TPTE2: variants seen among roughly 807,000 people sequenced by gnomAD.
TPTE2 encodes the protein phosphatidylinositol 3,4,5-trisphosphate 3-phosphatase TPTE2.
A neutral mutation model predicts 78.6 loss-of-function variants in TPTE2; 53 were observed. The ratio of observed to expected loss-of-function variants is 0.67; its 90% confidence interval spans 0.54 to 0.85. The LOEUF (loss-of-function observed/expected upper bound fraction) is 0.85. Among genes scored for constraint, TPTE2 ranks in the 40% least tolerant of loss-of-function variants. TPTE2 has a pLI of 0.00. For missense variants in TPTE2, 461 were observed against 623.0 expected, an observed-to-expected ratio of 0.74 and a Z score of 2.77; for synonymous variants, 175 against 206.2, an observed-to-expected ratio of 0.85 and a Z score of 1.30.
At chr13:19,540,228 C>G (rs1457866285), upstream of TPTE2, among the ~76,000 whole-genome samples, 1 of 151,760 alleles carries the variant, frequency 6.6e-6, no homozygotes, top group African/African-American at 2.4e-5. Flanking sequence ...GAATTAACAT[C>G]TTCATGATAT....
chr13:19,436,268 T>G lies in TPTE2; in HGVS notation c.1074A>C (p.Lys358Asn), dbSNP rs748375830. The G allele has an allele frequency of 8.7e-6, 14 of 1,613,328 alleles. No individual in the cohort carries two copies. Among genetic ancestry groups the G allele is most frequent in the Admixed American group, 8.3e-5 (5 of 59,966 alleles). ...CTCCCTGAAATTTATTGCTGTGGGT[T>G]TTATTGGTTCGCCTTTCTCCAAAAT... is the stretch of plus-strand genomic sequence containing the variant. The change falls in exon 15 of 20, where the codon AAA becomes AAC. Residue 358 changes from lysine (K) to asparagine (N), a missense_variant. Physicochemically the swap from Lys to Asn is moderately conservative, Grantham distance 94. Coordinates refer to ENST00000400230, the Ensembl canonical transcript of TPTE2.
upstream of TPTE2, among the ~76,000 whole-genome samples, chr13:19,504,140 T>C (rs1285221390): frequency 6.6e-6 from 1 of 152,134 alleles, no homozygotes; most frequent in Non-Finnish European, 1.5e-5. Flanking sequence ...TAAATATATA[T>C]ATGTATCGTC....
At chr13:19,531,926 C>CA (rs1566079665) in intron 1 of TPTE2, among the ~76,000 whole-genome samples, 1 of 151,220 alleles carries the variant, frequency 6.6e-6, no homozygotes, top group Admixed American at 6.6e-5. Flanking sequence ...GACTCTACCT[C>CA]AAAAAAAGAA....
At chr13:19,546,879 A>G in the TPTE2 span, among the ~76,000 whole-genome samples, 1 of 152,010 alleles carries the variant, frequency 6.6e-6, no homozygotes, top group Non-Finnish European at 1.5e-5. Flanking sequence ...ATGTCCCCAG[A>G]GCATAGAACA....
At chr13:19,523,976 G>A (rs1166708729) in intron 1 of TPTE2, among the ~76,000 whole-genome samples, 6 of 152,150 alleles carry the variant, frequency 3.9e-5, no homozygotes, top group Admixed American at 6.6e-5. Flanking sequence ...AATAGGAATC[G>A]GGGCAATGAA....
rs1444294162 is a variant in TPTE2 at position 19,535,966 on chromosome 13, G to C, written c.-44+630C>G. ...CCAGGATTTTTAATTTCTTGGCAGG[G>C]ATAATATGACATCAAAAACAAGCTT... On this transcript the variant is annotated intron_variant, in intron 1 of 17. Transcript: ENST00000390680. The surrounding 1 kb of genome is among the most constrained non-coding windows in gnomAD (Gnocchi z 5.1). 1.3e-5 allele frequency among the ~76,000 whole-genome samples: 2 copies of C among 152,136 alleles called. No homozygotes were observed. Among genetic ancestry groups the C allele is most frequent in the East Asian group, 3.8e-4 (2 of 5,198 alleles).
At chr13:19,504,036 G>A (rs370476996), upstream of TPTE2, among the ~76,000 whole-genome samples, 267 of 152,116 alleles carry the variant, frequency 1.8e-3, no homozygotes, top group African/African-American at 6.1e-3. Flanking sequence ...CACCACGCCC[G>A]GCCTCTATAT....
chr13:19,449,217 A>G (rs1878026714), intron 13 of TPTE2, among the ~76,000 whole-genome samples: 1 of 152,290 alleles, frequency 6.6e-6, no homozygotes, highest in South Asian at 2.1e-4. Context: ...CTTGTTGCTC[A>G]GGCTGGAGTA....
intron 15 of TPTE2, among the ~76,000 whole-genome samples, chr13:19,435,755 GACACACACAC>G (rs60130804): frequency 4.1e-4 from 56 of 137,734 alleles, no homozygotes; most frequent in African/African-American, 9.5e-4. Context: ...ACACAGAAAA[GACACACACAC>G]ACACACACAC....
At chr13:19,478,205 C>T (rs1298319327) in intron 4 of TPTE2, among the ~76,000 whole-genome samples, 15 of 152,058 alleles carry the variant, frequency 9.9e-5, no homozygotes, top group Non-Finnish European at 1.6e-4. Context: ...AAAGAAACTA[C>T]CATCAGAGTG....
the TPTE2 span, chr13:19,560,424 A>G: frequency 1.9e-6 from 3 of 1,608,990 alleles, no homozygotes; most frequent in East Asian, 6.7e-5. Context: ...CTAAGTCCTC[A>G]GCGAAGGCCA....
intron 10 of TPTE2, among the ~76,000 whole-genome samples, chr13:19,454,940 T>C (rs763077729): frequency 4.6e-5 from 7 of 152,204 alleles, no homozygotes; most frequent in East Asian, 1.9e-4. Flanking sequence ...AATCAAGAGA[T>C]GTTTTCCCCA....
intron 19 of TPTE2, among the ~76,000 whole-genome samples, chr13:19,424,345 G>A (rs984184579): frequency 1.3e-5 from 2 of 151,990 alleles, no homozygotes; most frequent in Non-Finnish European, 2.9e-5. Flanking sequence ...AGGTTTTTTT[G>A]GAACAATAAT....
chr13:19,465,619 A>G (rs540143563), intron 7 of TPTE2, 55 bp from the exon 11 acceptor site: 2 of 1,414,714 alleles, frequency 1.4e-6, no homozygotes, highest in Admixed American at 2.3e-5. Flanking sequence ...TTTTATCAAT[A>G]TAAACTATGT....
At chr13:19,551,438 A>G in the TPTE2 span, among the ~76,000 whole-genome samples, 1 of 151,938 alleles carries the variant, frequency 6.6e-6, no homozygotes, top group Admixed American at 6.6e-5. Context: ...AAAAATACAA[A>G]AATTAGCTGG....
chr13:19,522,873 G>A (rs947271606), intron 1 of TPTE2, among the ~76,000 whole-genome samples: 11 of 151,812 alleles, frequency 7.2e-5, no homozygotes, highest in South Asian at 4.2e-4. Context: ...TGATCCACCC[G>A]CCTCAGCCTC....
intron 1 of TPTE2, among the ~76,000 whole-genome samples, chr13:19,496,889 G>A (rs970261645): frequency 2.0e-5 from 3 of 151,998 alleles, no homozygotes; most frequent in Non-Finnish European, 4.4e-5. Flanking sequence ...CTGAGGTACT[G>A]GGTTCATCTC....
intron 6 of TPTE2, among the ~76,000 whole-genome samples, chr13:19,469,075 A>G (rs1291558540): frequency 1.3e-5 from 2 of 152,196 alleles, no homozygotes; most frequent in African/African-American, 4.8e-5. Flanking sequence ...CTTGTCAGGT[A>G]TAGCCCAAGT....
chr13:19,561,368 A>G, the TPTE2 span: 2 of 486,982 alleles, frequency 4.1e-6, no homozygotes, highest in Non-Finnish European at 7.0e-6. Context: ...CCACTCTAAT[A>G]TTCCCGCTGT....
Sources: gnomAD v4.1 joint callset for allele counts (sites outside exome capture counted in the v4.1 genomes callset) on GRCh38, gnomAD v4.1.1 for gene constraint, Gnocchi (gnomAD v3.1) non-coding constraint, MANE v1.5 for transcripts, NCBI Gene and HGNC (gene_info 2026-07-23, HGNC 2026-07-21) for gene names.